Variants in CSGALNACT1 observed in about 807,000 individuals in gnomAD.
CSGALNACT1 encodes the protein beta4GalNAcT-1.
Under a neutral mutation model 51.0 loss-of-function variants are expected in CSGALNACT1, and 52 were observed. The ratio of observed to expected loss-of-function variants is 1.02; its 90% confidence interval spans 0.82 to 1.29. The LOEUF is 1.29. CSGALNACT1 is among the 50% of genes most tolerant of loss of function. CSGALNACT1 has a pLI of 0.00. For missense variants in CSGALNACT1, 935 were observed against 679.2 expected, an observed-to-expected ratio of 1.38 and a Z score of -4.19; for synonymous variants, 341 against 254.4, an observed-to-expected ratio of 1.34 and a Z score of -3.24.
At chr8:19,493,093 C>A in intron 4 of CSGALNACT1, among the ~76,000 whole-genome samples, 2 of 150,418 alleles carry the variant, frequency 1.3e-5, no homozygotes, top group African/African-American at 4.9e-5. Flanking sequence ...ATGTTTGCAA[C>A]AGATTCTTTA....
In CSGALNACT1 at chr8:19,645,964, C is replaced by T. The variant is rs533024044; in HGVS notation, c.-544+36509G>A. 2.0e-5 allele frequency among the ~76,000 whole-genome samples: 3 copies of T among 152,208 alleles called. No homozygotes were observed. The South Asian group carries it at 6.2e-4, about 32-fold the overall frequency. The stretch of plus-strand genomic sequence containing the variant: ...GAATCCCACCAGAGAGCTAACAATA[C>T]GCCCTCCAAAGAGAGGGAAAAGCAT... On this transcript the variant is annotated intron_variant, in intron 1 of 9. Coordinates refer to the CSGALNACT1 transcript ENST00000332246.
chr8:19,578,549 A>G (rs2044806654), intron 3 of CSGALNACT1, among the ~76,000 whole-genome samples: 1 of 152,236 alleles, frequency 6.6e-6, no homozygotes, highest in Non-Finnish European at 1.5e-5. Context: ...TACACAAGCA[A>G]AATGATTAGA....
intron 1 of CSGALNACT1, among the ~76,000 whole-genome samples, chr8:19,749,665 C>T (rs2064908692): frequency 6.6e-6 from 1 of 152,116 alleles, no homozygotes; most frequent in Non-Finnish European, 1.5e-5. Context: ...CAAGCAGGGC[C>T]CTATACAGGC....
At chr8:19,405,014 G>C (rs1227781783) in exon 10 of CSGALNACT1, 1 of 453,192 alleles carries the variant, frequency 2.2e-6, no homozygotes, top group African/African-American at 2.0e-5. Flanking sequence ...TTGATGCTTT[G>C]AACTGAAAGT....
intron 2 of CSGALNACT1, among the ~76,000 whole-genome samples, chr8:19,601,432 C>G (rs2050397376): frequency 6.6e-6 from 1 of 152,262 alleles, no homozygotes; most frequent in Non-Finnish European, 1.5e-5. Flanking sequence ...GAACAAATGT[C>G]CCTATGTAAG....
At chr8:19,684,122 T>C (rs73216634), upstream of CSGALNACT1, among the ~76,000 whole-genome samples, 3,079 of 152,058 alleles carry the variant, frequency 0.02, 51 homozygotes, top group South Asian at 0.046. Context: ...GCAGAGATAG[T>C]GCCATTGCAC....
At chr8:19,653,611 T>C (rs1052335128) in intron 1 of CSGALNACT1, among the ~76,000 whole-genome samples, 1 of 152,088 alleles carries the variant, frequency 6.6e-6, no homozygotes, top group African/African-American at 2.4e-5. Context: ...CTGGGCAACA[T>C]GGTGAGATCC....
In CSGALNACT1 at chr8:19,474,869, G is replaced by GA. The variant is rs10683237; in HGVS notation, c.635-16228dup. Among the ~76,000 whole-genome samples the GA allele has an allele frequency of 1.8e-3, 153 of 86,162 alleles. 2 individuals carry two copies. The highest frequency in any genetic ancestry group is 0.022 in the Middle Eastern group (2 of 92). 56.5% of individuals were successfully genotyped at this position (86,162 alleles called of 152,430 possible). A position where few individuals can be genotyped will look rare whatever the true frequency, so the allele number is the denominator to read the frequency against. On this transcript the variant is annotated intron_variant, in intron 4 of 9. Coordinates refer to ENST00000454498, the Ensembl canonical transcript of CSGALNACT1. ...GCAATAAGAGTGAAACTCTGTCTCA[G>GA]AAAAAAAAAAAAAAAAAGAAAAAAA...
intron 2 of CSGALNACT1, among the ~76,000 whole-genome samples, chr8:19,599,607 A>G (rs1371872700): frequency 6.6e-6 from 1 of 152,124 alleles, no homozygotes; most frequent in Non-Finnish European, 1.5e-5. Flanking sequence ...AAAGAAGGAA[A>G]GAAAGAATAA....
chr8:19,459,369 C>G (rs1350254700), intron 4 of CSGALNACT1, among the ~76,000 whole-genome samples: 1 of 119,148 alleles, frequency 8.4e-6, no homozygotes, highest in Non-Finnish European at 1.6e-5. Flanking sequence ...GGCAACAGAG[C>G]GAAACTTTAT....
intron 1 of CSGALNACT1, among the ~76,000 whole-genome samples, chr8:19,637,184 C>T (rs577671375): frequency 7.2e-5 from 11 of 151,996 alleles, no homozygotes; most frequent in South Asian, 2.1e-4. Context: ...CCAGCCTGGG[C>T]GATAGAGACT....
At chr8:19,689,555 C>T (rs1170456607) in intron 1 of CSGALNACT1, among the ~76,000 whole-genome samples, 2 of 152,176 alleles carry the variant, frequency 1.3e-5, no homozygotes, top group East Asian at 3.8e-4. Context: ...ATACACACGA[C>T]TATAAAAGAT....
intron 6 of CSGALNACT1, among the ~76,000 whole-genome samples, chr8:19,427,671 C>T (rs1382819938): frequency 6.6e-6 from 1 of 152,090 alleles, no homozygotes; most frequent in Non-Finnish European, 1.5e-5. Flanking sequence ...ACCTGTAGTC[C>T]CAGCTACTTG....
At chr8:19,646,852 A>T (rs751455934) in intron 1 of CSGALNACT1, among the ~76,000 whole-genome samples, 6 of 152,152 alleles carry the variant, frequency 3.9e-5, no homozygotes, top group East Asian at 1.9e-4. Context: ...CATTCTAAAG[A>T]GGGGGATAAG....
intron 3 of CSGALNACT1, among the ~76,000 whole-genome samples, chr8:19,573,728 T>C (rs1357944297): frequency 6.6e-6 from 1 of 152,130 alleles, no homozygotes; most frequent in Admixed American, 6.6e-5. Context: ...TAATGATCAA[T>C]ACTGCAAACC....
chr8:19,635,676 T>C (rs2154173011), intron 1 of CSGALNACT1, among the ~76,000 whole-genome samples: 1 of 152,310 alleles, frequency 6.6e-6, no homozygotes, highest in Non-Finnish European at 1.5e-5. Flanking sequence ...GGGACACAGT[T>C]GTGAGGCATC....
chr8:19,430,740 T>C (rs2059529549), intron 6 of CSGALNACT1, among the ~76,000 whole-genome samples: 1 of 152,176 alleles, frequency 6.6e-6, no homozygotes, highest in African/African-American at 2.4e-5. Flanking sequence ...GAAAGTCATC[T>C]TGGATTTTAA....
intron 3 of CSGALNACT1, among the ~76,000 whole-genome samples, chr8:19,516,867 G>A (rs921890223): frequency 1.7e-4 from 26 of 152,270 alleles, no homozygotes; most frequent in Admixed American, 3.9e-4. Flanking sequence ...CAGCGGCCAC[G>A]GCAGTCTCAG....
chr8:19,430,254 C>G (rs1206687532), intron 6 of CSGALNACT1, among the ~76,000 whole-genome samples: 1 of 152,100 alleles, frequency 6.6e-6, no homozygotes, highest in African/African-American at 2.4e-5. Context: ...AAAGTCACAC[C>G]TAAGAAATCA....
Sources: gnomAD v4.1 joint callset for allele counts (sites outside exome capture counted in the v4.1 genomes callset) on GRCh38, gnomAD v4.1.1 for gene constraint, MANE v1.5 for transcripts, NCBI Gene and HGNC (gene_info 2026-07-23, HGNC 2026-07-21) for gene names.